Variants in STON1 observed in about 807,000 individuals in gnomAD.
The protein encoded by STON1 is stonin-1.
Under a neutral mutation model 60.9 loss-of-function variants are expected in STON1, and 79 were observed. That is an observed-to-expected ratio of 1.30 (90% confidence interval 1.08 to 1.56). The LOEUF is 1.56. Among genes scored for constraint, STON1 ranks in the 40% most tolerant of loss-of-function variants. The pLI is 0.00. For synonymous variants in STON1, 363 were observed against 306.9 expected (o/e 1.18, Z -1.91); for missense variants, 1,166 against 858.9 (o/e 1.36, Z -4.47).
At chr2:48,585,786 AC>A (rs1330945381) in intron 2 of STON1, among the ~76,000 whole-genome samples, 2 of 151,952 alleles carry the variant, frequency 1.3e-5, no homozygotes, top group Non-Finnish European at 2.9e-5. Flanking sequence ...CCTATTGGAA[AC>A]TCCTGGATCT....
chr2:48,548,878 T>G (rs1250406666), intron 1 of STON1, among the ~76,000 whole-genome samples: 2 of 152,240 alleles, frequency 1.3e-5, no homozygotes, highest in Non-Finnish European at 2.9e-5. Flanking sequence ...CACAGTGTTT[T>G]TCTTTTCAAA....
intron 1 of STON1, among the ~76,000 whole-genome samples, chr2:48,561,506 A>T (rs994629638): frequency 6.6e-6 from 1 of 152,210 alleles, no homozygotes; most frequent in African/African-American, 2.4e-5. Flanking sequence ...CTGATTCATT[A>T]TCTACGAAGC....
At chr2:48,536,126 G>T (rs1572920700) in intron 1 of STON1, among the ~76,000 whole-genome samples, 1 of 151,998 alleles carries the variant, frequency 6.6e-6, no homozygotes, top group African/African-American at 2.4e-5. Context: ...AATTTGTGAG[G>T]ATTTGTGATT....
At chr2:48,541,464 A>C (rs1309727267) in intron 1 of STON1, among the ~76,000 whole-genome samples, 5 of 150,764 alleles carry the variant, frequency 3.3e-5, no homozygotes, top group Non-Finnish European at 5.9e-5. Flanking sequence ...CAGGCGGATC[A>C]CTTGACATCA....
intron 1 of STON1, among the ~76,000 whole-genome samples, chr2:48,579,289 G>A (rs890199413): frequency 6.7e-6 from 1 of 150,200 alleles, no homozygotes; most frequent in Non-Finnish European, 1.5e-5. Context: ...ATAGATGTGA[G>A]CCACTGCACC....
Position 48,582,794 on chromosome 2 carries a change from A to T in STON1, c.1930+231A>T, listed in dbSNP as rs554412398. 1.3e-4 allele frequency among the ~76,000 whole-genome samples: 20 copies of T among 152,352 alleles called. No individual in the cohort carries two copies. The South Asian group carries it at 3.7e-3, about 28-fold the overall frequency. On this transcript the variant is annotated intron_variant, in intron 2 of 3. Coordinates refer to ENST00000404752, the MANE Select transcript of STON1 (RefSeq NM_006873.4). ...ACATTTTTTAAATATCATACGAAAT[A>T]CCATGCTAGGCTAGGAATTTGTTGT...
chr2:48,564,572 T>TC lies in STON1; in HGVS notation c.-47-16014dup, dbSNP rs1558605725. Among the ~76,000 whole-genome samples the TC allele has an allele frequency of 3.5e-4, 19 of 54,028 alleles. 3 individuals are homozygous for TC. Among genetic ancestry groups the TC allele is most frequent in the African/African-American group, 1.2e-3 (15 of 12,778 alleles). 35.4% of individuals were successfully genotyped at this position (54,028 alleles called of 152,430 possible). ...TTCTTCTTCTTCTTCTTCTTCTCCTTCTCCTTCTCCTCCTCCTCCTCCTCC... is the reference window on the plus strand; with the variant it reads ...TTCTTCTTCTTCTTCTTCTTCTCCTTCCTCCTTCTCCTCCTCCTCCTCCTCC... On this transcript the variant is annotated intron_variant, in intron 1 of 3. Coordinates refer to ENST00000404752, the MANE Select transcript of STON1 (RefSeq NM_006873.4).
chr2:48,563,750 G>T (rs1164958766), intron 1 of STON1, among the ~76,000 whole-genome samples: 1 of 151,980 alleles, frequency 6.6e-6, no homozygotes, highest in African/African-American at 2.4e-5. Flanking sequence ...CTGGAGTGCA[G>T]TGGTGTGATT....
At chr2:48,566,633 G>T (rs1191981191) in intron 1 of STON1, among the ~76,000 whole-genome samples, 1 of 152,182 alleles carries the variant, frequency 6.6e-6, no homozygotes, top group Non-Finnish European at 1.5e-5. Flanking sequence ...TCAGGGAAGT[G>T]AAAAATTACA....
Position 48,575,484 on chromosome 2 carries a change from T to C in STON1, c.-47-5103T>C, listed in dbSNP as rs576022021. On this transcript the variant is annotated intron_variant, in intron 1 of 3. Coordinates refer to ENST00000404752, the MANE Select transcript of STON1 (RefSeq NM_006873.4). ...GCCTGACCAACATGGAGAAACCCCATCTCTACTAAAAATACAAAATTAGCC... is the reference window on the plus strand; with the variant it reads ...GCCTGACCAACATGGAGAAACCCCACCTCTACTAAAAATACAAAATTAGCC... Among the ~76,000 whole-genome samples, 7 of 151,844 alleles carry C rather than the reference T, an allele frequency of 4.6e-5. No homozygotes were observed. The South Asian group carries it at 8.4e-4, about 18-fold the overall frequency.
chr2:48,585,368 C>A (rs1248433919), intron 2 of STON1, among the ~76,000 whole-genome samples: 1 of 152,064 alleles, frequency 6.6e-6, no homozygotes, highest in African/African-American at 2.4e-5. Flanking sequence ...GTGGCTCAAC[C>A]TCCCAAGTAG....
chr2:48,592,058 A>G (rs2293276), intron 3 of STON1, among the ~76,000 whole-genome samples: 50,268 of 152,004 alleles, frequency 0.33, 8,565 homozygotes, highest in East Asian at 0.45. Flanking sequence ...GGAACACTTA[A>G]TAATTTAGCT....
chr2:48,533,244 T>C (rs1671286285), intron 1 of STON1, among the ~76,000 whole-genome samples: 1 of 151,924 alleles, frequency 6.6e-6, no homozygotes, highest in South Asian at 2.1e-4. Context: ...TAGGTGGGCA[T>C]GGTGGCGGGC....
chr2:48,584,336 T>A (rs1398623915), intron 2 of STON1, among the ~76,000 whole-genome samples: 1 of 151,792 alleles, frequency 6.6e-6, no homozygotes, highest in Non-Finnish European at 1.5e-5. Flanking sequence ...TGCAGTGCGA[T>A]AGCTCACTGC....
intron 1 of STON1, among the ~76,000 whole-genome samples, chr2:48,541,440 C>A (rs1671647466): frequency 1.4e-5 from 2 of 147,686 alleles, no homozygotes; most frequent in Admixed American, 1.4e-4. Flanking sequence ...TCCCAGCACT[C>A]TGGGAGGCTG....
chr2:48,587,246 C>T (rs570150764), intron 2 of STON1, among the ~76,000 whole-genome samples: 4 of 152,270 alleles, frequency 2.6e-5, no homozygotes, highest in Non-Finnish European at 4.4e-5. Context: ...CTGCATATGC[C>T]TTTGTCTTCC....
At chr2:48,593,825 T>C (rs1674656315) in intron 3 of STON1, among the ~76,000 whole-genome samples, 1 of 152,160 alleles carries the variant, frequency 6.6e-6, no homozygotes, top group Non-Finnish European at 1.5e-5. Context: ...TATGTTTGGG[T>C]CCAGTTATCT....
intron 1 of STON1, among the ~76,000 whole-genome samples, chr2:48,556,419 T>A (rs1362075271): frequency 2.6e-4 from 1 of 3,854 alleles, no homozygotes; most frequent in Non-Finnish European, 5.5e-4. Flanking sequence ...CCCTCCCGGA[T>A]GGGGCGGCTG....
In STON1 at chr2:48,598,013, G is replaced by A. The variant is rs1051783394; in HGVS notation, c.*2711G>A. On this transcript the variant is annotated 3_prime_UTR_variant, in exon 4 of 4. Transcript: ENST00000404752. ...CATTTTGCTTAGATCACTCCATTGT[G>A]AGTTTGACCATTTTGGAGTCAAATG... 6.6e-6 allele frequency: 1 copy of A among 152,196 alleles called. No individual in the cohort carries two copies. The highest frequency in any genetic ancestry group is 1.5e-5 in the Non-Finnish European group (1 of 68,024). 9.4% of individuals were successfully genotyped at this position (152,196 alleles called of 1,614,324 possible). A position where few individuals can be genotyped will look rare whatever the true frequency, so the allele number is the denominator to read the frequency against.
Sources: gnomAD v4.1 joint callset for allele counts (sites outside exome capture counted in the v4.1 genomes callset) on GRCh38, gnomAD v4.1.1 for gene constraint, MANE v1.5 for transcripts, NCBI Gene and HGNC (gene_info 2026-07-23, HGNC 2026-07-21) for gene names.